OLFM2: variants seen among roughly 807,000 people sequenced by gnomAD.
The protein encoded by OLFM2 is noelin-2.
In OLFM2, 20 loss-of-function variants were observed where a neutral mutation model predicts 43.9. The ratio of observed to expected loss-of-function variants is 0.46; its 90% CI spans 0.32 to 0.66. OLFM2 has a LOEUF of 0.66. Ranked by LOEUF, OLFM2 falls within the 30% of genes least tolerant of loss-of-function variation. The probability of loss-of-function intolerance (pLI) is 0.04; values close to 1 mark genes in which losing one functional copy is unlikely to be tolerated. For synonymous variants in OLFM2, 268 were observed against 278.6 expected, an observed-to-expected ratio of 0.96 and a Z score of 0.38; for missense variants, 416 against 643.6, an observed-to-expected ratio of 0.65 and a Z score of 3.83.
chr19:9,856,132 C>T lies in OLFM2; in HGVS notation c.687+675G>A, dbSNP rs2046315356. Among the ~76,000 whole-genome samples, 1 of 152,120 alleles carries T rather than the reference C, an allele frequency of 6.6e-6. No individual in the cohort carries two copies. Among genetic ancestry groups the T allele is most frequent in the Admixed American group, 6.5e-5 (1 of 15,276 alleles). The stretch of plus-strand genomic sequence containing the variant: ...TTTTGTTTTGAGACAGAGTTTCACT[C>T]GTGTTGCCCAGGCTGCAGTGCAATG... On this transcript the variant is annotated intron_variant, in intron 5 of 5. Coordinates refer to ENST00000264833, the MANE Select transcript of OLFM2 (RefSeq NM_058164.4). The surrounding 1 kb of genome is among the most constrained non-coding windows in gnomAD (Gnocchi z 4.0).
chr19:9,891,186 T>A (rs2046635476), intron 1 of OLFM2, among the ~76,000 whole-genome samples: 1 of 148,928 alleles, frequency 6.7e-6, no homozygotes, highest in South Asian at 2.1e-4. Flanking sequence ...TGGTGGTGGG[T>A]GCCTGTAATC....
At chr19:9,873,813 T>A (rs2145447093) in intron 1 of OLFM2, among the ~76,000 whole-genome samples, 1 of 128,232 alleles carries the variant, frequency 7.8e-6, no homozygotes, top group East Asian at 2.3e-4. Flanking sequence ...TTTTTTTTTT[T>A]TTTTTTTTTT....
At chr19:9,902,818 C>T (rs908671976) in intron 1 of OLFM2, among the ~76,000 whole-genome samples, 7 of 151,994 alleles carry the variant, frequency 4.6e-5, no homozygotes, top group Admixed American at 1.3e-4. Flanking sequence ...GGATTAAAGG[C>T]ATGCACCACC....
chr19:9,883,816 A>G (rs1420946516), intron 1 of OLFM2, among the ~76,000 whole-genome samples: 1 of 151,910 alleles, frequency 6.6e-6, no homozygotes, highest in Non-Finnish European at 1.5e-5. Context: ...TGCACGGGGG[A>G]CCTCATCGCA....
At chr19:9,920,556 A>G (rs1044511491) in intron 1 of OLFM2, among the ~76,000 whole-genome samples, 5 of 151,988 alleles carry the variant, frequency 3.3e-5, no homozygotes, top group Non-Finnish European at 7.4e-5. Flanking sequence ...CCTCTTCCCC[A>G]TCATCATCAC....
chr19:9,906,888 T>G (rs2046789787), intron 1 of OLFM2, among the ~76,000 whole-genome samples: 1 of 152,126 alleles, frequency 6.6e-6, no homozygotes. Context: ...CAATCACTCT[T>G]GCAATCATCT....
chr19:9,876,889 T>C (rs899032065), intron 1 of OLFM2, among the ~76,000 whole-genome samples: 1 of 152,166 alleles, frequency 6.6e-6, no homozygotes, highest in African/African-American at 2.4e-5. Flanking sequence ...TATTTATTTA[T>C]TTAAAGTGAA....
At chr19:9,935,829 C>G (rs2086511448) in intron 1 of OLFM2, among the ~76,000 whole-genome samples, 1 of 152,044 alleles carries the variant, frequency 6.6e-6, no homozygotes, top group Admixed American at 6.6e-5. Context: ...TGCACCCCCA[C>G]AGCATTTCAC....
intron 1 of OLFM2, among the ~76,000 whole-genome samples, chr19:9,910,894 G>T (rs963610211): frequency 1.2e-4 from 18 of 152,232 alleles, no homozygotes; most frequent in Admixed American, 1.0e-3. Context: ...GAGAGAAAAT[G>T]GATGGGTAGA....
intron 1 of OLFM2, among the ~76,000 whole-genome samples, chr19:9,865,254 TC>T (rs2046391965): frequency 6.6e-6 from 1 of 150,968 alleles, no homozygotes. Flanking sequence ...AGCCTCAACC[TC>T]CTGGGCTTAA....
chr19:9,859,950 T>G (rs533715897), intron 2 of OLFM2, among the ~76,000 whole-genome samples: 8 of 152,202 alleles, frequency 5.3e-5, no homozygotes, highest in African/African-American at 1.7e-4. Context: ...AAGACCAGCA[T>G]GACTAATATG....
chr19:9,895,791 A>G (rs1455702773), intron 1 of OLFM2, among the ~76,000 whole-genome samples: 1 of 151,974 alleles, frequency 6.6e-6, no homozygotes, highest in Non-Finnish European at 1.5e-5. Context: ...CCACGCCACC[A>G]CACCTGGCTA....
intron 1 of OLFM2, among the ~76,000 whole-genome samples, chr19:9,901,174 G>C (rs1318159954): frequency 1.4e-5 from 2 of 141,742 alleles, no homozygotes; most frequent in Middle Eastern, 3.8e-3. Flanking sequence ...AAGGAAGGAA[G>C]GAAAAGAAAG....
intron 1 of OLFM2, among the ~76,000 whole-genome samples, chr19:9,888,612 T>A (rs1402926934): frequency 4.0e-5 from 6 of 151,788 alleles, no homozygotes; most frequent in Non-Finnish European, 1.5e-5. Flanking sequence ...CCCTACTCCA[T>A]CTGCTTCCGC....
chr19:9,914,850 T>TCCG (rs2046862506), intron 1 of OLFM2, among the ~76,000 whole-genome samples: 1 of 151,870 alleles, frequency 6.6e-6, no homozygotes, highest in Admixed American at 6.6e-5. Flanking sequence ...ATCACCTCGC[T>TCCG]CCGCCGCCGC....
chr19:9,879,399 T>G (rs1006776140), intron 1 of OLFM2, among the ~76,000 whole-genome samples: 12 of 152,060 alleles, frequency 7.9e-5, no homozygotes, highest in Non-Finnish European at 1.5e-4. Flanking sequence ...CCCAAAGTGC[T>G]GGGATTACAG....
intron 1 of OLFM2, among the ~76,000 whole-genome samples, chr19:9,915,493 CTTTT>C (rs1555728537): frequency 3.1e-5 from 4 of 130,894 alleles, no homozygotes; most frequent in South Asian, 2.4e-4. Context: ...GAGAAAGGGA[CTTTT>C]TTATTTATTT....
At chr19:9,913,062 CCT>C (rs1219177300) in intron 1 of OLFM2, among the ~76,000 whole-genome samples, 1 of 151,856 alleles carries the variant, frequency 6.6e-6, no homozygotes, top group Non-Finnish European at 1.5e-5. Flanking sequence ...TCGATCCTCC[CCT>C]CTTTCAGAGA....
chr19:9,868,646 T>C (rs2046420517), intron 1 of OLFM2, among the ~76,000 whole-genome samples: 2 of 152,160 alleles, frequency 1.3e-5, no homozygotes, highest in Non-Finnish European at 2.9e-5. Flanking sequence ...ATTGTTCTTA[T>C]AAAGATTTTT....
Sources: gnomAD v4.1 joint callset for allele counts (sites outside exome capture counted in the v4.1 genomes callset) on GRCh38, gnomAD v4.1.1 for gene constraint, Gnocchi (gnomAD v3.1) non-coding constraint, MANE v1.5 for transcripts, NCBI Gene and HGNC (gene_info 2026-07-23, HGNC 2026-07-21) for gene names.